Variants in SPTLC3 observed in about 807,000 individuals in gnomAD.
The protein encoded by SPTLC3 is serine palmitoyltransferase 3.
SPTLC3 carries 36 observed loss-of-function variants against 59.3 expected under a neutral mutation model. That is an observed-to-expected ratio of 0.61 (90% CI 0.47 to 0.80). The LOEUF (loss-of-function observed/expected upper bound fraction) is 0.80. Ranked by LOEUF, SPTLC3 falls within the 30% of genes least tolerant of loss-of-function variation. SPTLC3 has a pLI of 0.00. For missense variants in SPTLC3, 625 were observed against 685.1 expected, an observed-to-expected ratio of 0.91 and a Z score of 0.98; for synonymous variants, 257 against 240.8, an observed-to-expected ratio of 1.07 and a Z score of -0.62.
chr20:13,074,258 C>A, intron 3 of SPTLC3, 91 bp from the exon 4 acceptor site: 1 of 1,522,908 alleles, frequency 6.6e-7, no homozygotes, highest in Non-Finnish European at 9.0e-7. Context: ...TCTTTTTCTT[C>A]ATAGGAACCC....
At chr20:13,077,240 T>C (rs1202304397) in intron 4 of SPTLC3, among the ~76,000 whole-genome samples, 2 of 151,056 alleles carry the variant, frequency 1.3e-5, no homozygotes, top group South Asian at 4.2e-4. Context: ...AAGGGAAAAC[T>C]ATAAGTTACT....
chr20:13,077,472 T>C (rs1988687981), intron 4 of SPTLC3, among the ~76,000 whole-genome samples: 1 of 152,022 alleles, frequency 6.6e-6, no homozygotes. Flanking sequence ...AAATCTACTA[T>C]ATATTATGCC....
chr20:13,016,047 A>T (rs774739400), intron 1 of SPTLC3, among the ~76,000 whole-genome samples: 1 of 152,194 alleles, frequency 6.6e-6, no homozygotes, highest in Middle Eastern at 3.4e-3. Flanking sequence ...CATAAAATGC[A>T]ATTTTCTGAT....
chr20:13,084,767 A>G (rs1568594480), intron 4 of SPTLC3, among the ~76,000 whole-genome samples: 1 of 152,176 alleles, frequency 6.6e-6, no homozygotes. Flanking sequence ...TGTAGGTGTG[A>G]GGATTAGAGA....
At chr20:13,067,533 G>A (rs1420672689) in intron 2 of SPTLC3, among the ~76,000 whole-genome samples, 1 of 151,992 alleles carries the variant, frequency 6.6e-6, no homozygotes, top group Non-Finnish European at 1.5e-5. Flanking sequence ...GTCTTTCGAG[G>A]CATTTACAAC....
At chr20:13,080,797 T>A (rs920691673) in intron 4 of SPTLC3, among the ~76,000 whole-genome samples, 7 of 152,288 alleles carry the variant, frequency 4.6e-5, no homozygotes, top group African/African-American at 1.7e-4. Context: ...AAAAAATGAA[T>A]AAGTATTTAA....
chr20:13,054,453 T>C (rs1270793127), intron 2 of SPTLC3, among the ~76,000 whole-genome samples: 1 of 152,086 alleles, frequency 6.6e-6, no homozygotes, highest in African/African-American at 2.4e-5. Flanking sequence ...TATACAGGTT[T>C]AAAAAAATCT....
intron 9 of SPTLC3, among the ~76,000 whole-genome samples, chr20:13,133,648 C>T (rs974529355): frequency 2.0e-5 from 3 of 152,112 alleles, no homozygotes; most frequent in Admixed American, 6.6e-5. Context: ...GCAAGAGAAT[C>T]GCTTGAGCCC....
intron 4 of SPTLC3, among the ~76,000 whole-genome samples, chr20:13,085,760 A>AGAT (rs1988984945): frequency 6.6e-6 from 1 of 152,218 alleles, no homozygotes; most frequent in Non-Finnish European, 1.5e-5. Flanking sequence ...TACAGTCCAT[A>AGAT]GATAGAATAT....
At chr20:13,115,296 C>T (rs1303737228) in intron 7 of SPTLC3, among the ~76,000 whole-genome samples, 1 of 152,132 alleles carries the variant, frequency 6.6e-6, no homozygotes, top group Non-Finnish European at 1.5e-5. Flanking sequence ...AAGCTGAGTT[C>T]TCCCTAGGAC....
At chr20:13,123,654 C>T (rs905725671) in intron 8 of SPTLC3, among the ~76,000 whole-genome samples, 11 of 152,176 alleles carry the variant, frequency 7.2e-5, no homozygotes, top group African/African-American at 2.4e-4. Context: ...TGGCTTCTCC[C>T]TCTCTTCCCA....
Position 13,167,499 on chromosome 20 carries a change from A to G in SPTLC3, c.*2632A>G, listed in dbSNP as rs1440114592. ...CATATGCATTTTTCCTTTACGGAGTAAGCAACTATGAAAATCTGGTTGGTT... is the reference window on the plus strand; with the variant it reads ...CATATGCATTTTTCCTTTACGGAGTGAGCAACTATGAAAATCTGGTTGGTT... On this transcript the variant is annotated 3_prime_UTR_variant, in exon 12 of 12. Transcript: ENST00000399002. 6.6e-6 allele frequency: 1 copy of G among 152,174 alleles called. No homozygotes were observed. The highest frequency in any genetic ancestry group is 2.4e-5 in the African/African-American group (1 of 41,440). 9.4% of individuals were successfully genotyped at this position (152,174 alleles called of 1,614,324 possible).
intron 6 of SPTLC3, among the ~76,000 whole-genome samples, chr20:13,109,455 G>T (rs549179244): frequency 1.3e-5 from 2 of 152,310 alleles, no homozygotes; most frequent in South Asian, 2.1e-4. Flanking sequence ...GAATGGAAAT[G>T]CTACTAGTAC....
At chr20:13,012,858 T>G (rs1038855261) in intron 1 of SPTLC3, among the ~76,000 whole-genome samples, 16 of 152,148 alleles carry the variant, frequency 1.1e-4, no homozygotes, top group African/African-American at 3.6e-4. Flanking sequence ...CAGTGACAGC[T>G]TCTCAGAGCA....
rs77194689 is a variant in SPTLC3 at position 13,142,413 on chromosome 20, T to C, written c.1280-11590T>C. On this transcript the variant is annotated intron_variant, in intron 9 of 11. Coordinates refer to ENST00000399002, the MANE Select transcript of SPTLC3 (RefSeq NM_018327.4). ...AGTACAAGTGGGAAAGGAAAGAACA[T>C]TATTCCATCTGTAGCATCTTCCAGG... is the stretch of plus-strand genomic sequence containing the variant. 6.0e-3 allele frequency among the ~76,000 whole-genome samples: 914 copies of C among 152,268 alleles called. 9 individuals are homozygous for C. Among genetic ancestry groups the C allele is most frequent in the African/African-American group, 0.02 (851 of 41,538 alleles).
chr20:13,091,329 C>G (rs1319085315), intron 5 of SPTLC3, 122 bp downstream of exon 5: 13 of 1,263,720 alleles, frequency 1.0e-5, no homozygotes, highest in Non-Finnish European at 1.4e-5. Context: ...AATCCTAGCA[C>G]TTTGGGAGCC....
chr20:13,146,280 A>T (rs2122913297), intron 9 of SPTLC3, among the ~76,000 whole-genome samples: 1 of 152,156 alleles, frequency 6.6e-6, no homozygotes, highest in Non-Finnish European at 1.5e-5. Flanking sequence ...TGCTTGAGGG[A>T]GGAGGGTGGG....
intron 1 of SPTLC3, among the ~76,000 whole-genome samples, chr20:13,029,427 G>T (rs565804377): frequency 6.6e-6 from 1 of 152,240 alleles, no homozygotes; most frequent in African/African-American, 2.4e-5. Context: ...GCTAAAACAT[G>T]CCTGGTTATA....
chr20:13,033,947 G>A (rs76984714), intron 1 of SPTLC3, among the ~76,000 whole-genome samples: 4,802 of 152,172 alleles, frequency 0.032, 259 homozygotes, highest in African/African-American at 0.11. Context: ...GGGGAGAACA[G>A]TTGGGAAGAA....
Sources: allele counts gnomAD v4.1 joint callset (sites outside exome capture counted in the v4.1 genomes callset), GRCh38; gene constraint gnomAD v4.1.1; transcripts MANE v1.5; gene names NCBI Gene and HGNC (gene_info 2026-07-23, HGNC 2026-07-21).